The following DNAH12 variants were observed in gnomAD, a reference collection of about 807,000 sequenced individuals.
DNAH12 encodes dynein axonemal heavy chain 12, also known as axonemal beta dynein heavy chain 12.
DNAH12 carries 285 observed loss-of-function variants against 371.5 expected under a neutral mutation model. That is an observed-to-expected ratio of 0.77 (90% CI 0.70 to 0.85). The LOEUF is 0.85. Ranked by LOEUF, DNAH12 falls within the 40% of genes least tolerant of loss-of-function variation. The pLI, the probability that DNAH12 is intolerant of heterozygous loss-of-function variation, is 0.00. For synonymous variants in DNAH12, 1,200 were observed against 1,213.0 expected, an observed-to-expected ratio of 0.99 and a Z score of 0.22; for missense variants, 3,611 against 3,689.4, an observed-to-expected ratio of 0.98 and a Z score of 0.55.
intron 60 of DNAH12, among the ~76,000 whole-genome samples, chr3:57,342,047 A>G (rs1454999566): frequency 6.6e-6 from 1 of 152,164 alleles, no homozygotes; most frequent in East Asian, 1.9e-4. Context: ...GGTTCTGGGG[A>G]AAATTGGATA....
intron 29 of DNAH12, among the ~76,000 whole-genome samples, chr3:57,444,182 CAA>C (rs962502893): frequency 2.0e-5 from 3 of 151,576 alleles, no homozygotes; most frequent in African/African-American, 7.3e-5. Context: ...GCCTGGGCAA[CAA>C]GAGCAAAACT....
At chr3:57,363,135 C>T (rs1465968060) in intron 58 of DNAH12, among the ~76,000 whole-genome samples, 1 of 152,080 alleles carries the variant, frequency 6.6e-6, no homozygotes, top group South Asian at 2.1e-4. Flanking sequence ...GCATCTATAA[C>T]CATCTGATCT....
At chr3:57,493,161 C>T (rs1405071469) in intron 11 of DNAH12, among the ~76,000 whole-genome samples, 1 of 152,086 alleles carries the variant, frequency 6.6e-6, no homozygotes, top group Non-Finnish European at 1.5e-5. Flanking sequence ...CTCTGCATAG[C>T]ACTATATTGA....
intron 60 of DNAH12, among the ~76,000 whole-genome samples, chr3:57,344,092 C>G (rs373905511): frequency 6.6e-6 from 1 of 152,254 alleles, no homozygotes; most frequent in Non-Finnish European, 1.5e-5. Flanking sequence ...TGCTGAGTAC[C>G]GGTCCCCTGG....
intron 4 of DNAH12, among the ~76,000 whole-genome samples, chr3:57,520,498 A>C (rs2068383857): frequency 6.7e-6 from 1 of 149,868 alleles, no homozygotes; most frequent in African/African-American, 2.5e-5. Flanking sequence ...GCTGGAGTGA[A>C]GTGGCACCAT....
At chr3:57,527,292 T>C (rs1303039035) in intron 2 of DNAH12, among the ~76,000 whole-genome samples, 3 of 151,742 alleles carry the variant, frequency 2.0e-5, no homozygotes, top group Non-Finnish European at 4.4e-5. Context: ...AGCCCAGGAG[T>C]TTGAAACTAG....
intron 39 of DNAH12, 143 bp downstream of exon 39, chr3:57,413,603 T>C (rs2064272438): frequency 1.1e-6 from 1 of 905,948 alleles, no homozygotes; most frequent in South Asian, 2.0e-5. Context: ...TTTCGAAATA[T>C]ATTAGAGAGG....
chr3:57,532,360 G>C (rs1248903209), intron 2 of DNAH12, among the ~76,000 whole-genome samples: 3 of 152,060 alleles, frequency 2.0e-5, no homozygotes, highest in Non-Finnish European at 2.9e-5. Context: ...ATTTAGTTTG[G>C]TGAGGTCATG....
At chr3:57,491,783 T>A (rs948654064) in intron 11 of DNAH12, among the ~76,000 whole-genome samples, 5 of 148,976 alleles carry the variant, frequency 3.4e-5, no homozygotes, top group African/African-American at 1.0e-4. Context: ...CAAAAAAAAA[T>A]AATAATTTTT....
At chr3:57,524,541 G>A (rs889660797) in intron 2 of DNAH12, among the ~76,000 whole-genome samples, 6 of 151,590 alleles carry the variant, frequency 4.0e-5, no homozygotes, top group Non-Finnish European at 7.4e-5. Context: ...CACAATACTA[G>A]ATCCTATTAA....
rs1247519065 is a variant in DNAH12, at chr3:57,461,655, A to G, written c.2570T>C (p.Ile857Thr). Residue 857 changes from isoleucine to threonine, a missense_variant, in exon 19 of 74, where the codon ATA (isoleucine) becomes ACA (threonine). Transcript: ENST00000495027. ...AAAAGCAATATCTTCCCAAGTTCCT[A>G]TCATTGTATTCATGGCTTTCTCTAA... is the stretch of plus-strand genomic sequence containing the variant. ...FSLEKAMNTM[I>T]GTWEDIAFHI... 11 of 1,551,026 alleles carry G rather than the reference A, an allele frequency of 7.1e-6. No homozygotes were observed. The East Asian group carries it at 7.3e-5, about 10-fold the overall frequency.
At chr3:57,388,982 A>G (rs1250439354) in intron 45 of DNAH12, among the ~76,000 whole-genome samples, 1 of 152,160 alleles carries the variant, frequency 6.6e-6, no homozygotes, top group East Asian at 1.9e-4. Flanking sequence ...GCAGCACACC[A>G]ACATGGCACA....
At chr3:57,418,618 A>T (rs2064466402) in intron 37 of DNAH12, among the ~76,000 whole-genome samples, 1 of 151,816 alleles carries the variant, frequency 6.6e-6, no homozygotes, top group Admixed American at 6.6e-5. Flanking sequence ...TTCTAAATGC[A>T]AAAATGCAAC....
At chr3:57,529,321 T>TC (rs2068760852) in intron 2 of DNAH12, among the ~76,000 whole-genome samples, 1 of 152,186 alleles carries the variant, frequency 6.6e-6, no homozygotes, top group Admixed American at 6.5e-5. Flanking sequence ...TGGTATTAGT[T>TC]CCTCTTTAAA....
intron 43 of DNAH12, chr3:57,402,525 T>A: frequency 1.0e-6 from 1 of 976,914 alleles, no homozygotes; most frequent in South Asian, 1.4e-5. Context: ...CATTTATTTA[T>A]CTGAAATAAG....
chr3:57,555,862 A>AG, the DNAH12 span, among the ~76,000 whole-genome samples: 1 of 152,252 alleles, frequency 6.6e-6, no homozygotes, highest in African/African-American at 2.4e-5. Context: ...GGGTCGGCAA[A>AG]GCTGTGGAGA....
intron 43 of DNAH12, among the ~76,000 whole-genome samples, chr3:57,397,178 G>A (rs2063759276): frequency 6.6e-6 from 1 of 150,542 alleles, no homozygotes; most frequent in East Asian, 1.9e-4. Context: ...TAATGGGCTA[G>A]GAAGCTCTAG....
intron 13 of DNAH12, among the ~76,000 whole-genome samples, chr3:57,479,814 C>T (rs1233422912): frequency 6.6e-6 from 1 of 152,166 alleles, no homozygotes; most frequent in African/African-American, 2.4e-5. Context: ...CCTGCTCCTG[C>T]ATGACTACTG....
intron 62 of DNAH12, among the ~76,000 whole-genome samples, chr3:57,329,349 G>A (rs1300886155): frequency 1.6e-5 from 2 of 124,608 alleles, no homozygotes; most frequent in East Asian, 5.0e-4. Context: ...GCATGGTACT[G>A]GTACCAAAAC....
Sources: gnomAD v4.1 joint callset for allele counts (sites outside exome capture counted in the v4.1 genomes callset) on GRCh38, gnomAD v4.1.1 for gene constraint, MANE v1.5 for transcripts, NCBI Gene and HGNC (gene_info 2026-07-23, HGNC 2026-07-21) for gene names.